Variants in LMAN1L observed in about 807,000 individuals in gnomAD.
The protein encoded by LMAN1L is lectin, mannose binding 1 like.
LMAN1L carries 60 observed loss-of-function variants against 58.3 expected under a neutral mutation model. The observed-to-expected ratio is 1.03, with a 90% CI of 0.84 to 1.27. LMAN1L has a LOEUF of 1.27. LMAN1L is among the 50% of genes most tolerant of loss of function. LMAN1L has a pLI of 0.00. For synonymous variants in LMAN1L, 280 were observed against 271.6 expected, an observed-to-expected ratio of 1.03 and a Z score of -0.31; for missense variants, 629 against 674.0, an observed-to-expected ratio of 0.93 and a Z score of 0.74.
At chr15:74,824,642 C>A in intron 13 of LMAN1L, 164 bp downstream of exon 13, 2 of 758,972 alleles carry the variant, frequency 2.6e-6, no homozygotes, top group Non-Finnish European at 4.2e-6. Context: ...TCTCACCAAG[C>A]ACTACTGACC....
rs2063913561 is a variant in LMAN1L, at chr15:74,820,899, C to T, written c.907+132C>T. 7 of 1,380,326 alleles carry T rather than the reference C, an allele frequency of 5.1e-6. No individual in the cohort carries two copies. In the Admixed American group the frequency reaches 1.6e-4, roughly 31 times the overall value. The allele number at this position is 1,380,326 out of a possible 1,614,324, so 85.5% of individuals were successfully genotyped here. A position where few individuals can be genotyped will look rare whatever the true frequency, so the allele number is the denominator to read the frequency against. On this transcript the variant is annotated intron_variant, in intron 8 of 13. Coordinates refer to ENST00000309664, the MANE Select transcript of LMAN1L (RefSeq NM_021819.3). ...GGCCACATCTAAGCAGGCCCTGGGC[C>T]CAAGTGTTCTGTGCTATCCCCACCT... is the stretch of plus-strand genomic sequence containing the variant.
Position 74,825,528 on chromosome 15 carries a change from C to T in LMAN1L, c.1504C>T (p.Leu502=). Residue 502 remains leucine (L), a synonymous_variant, in exon 14 of 14, where the codon CTG becomes TTG. Coordinates refer to ENST00000309664, the MANE Select transcript of LMAN1L (RefSeq NM_021819.3). ...QECLSTGSLP[L]GPAPHTPRAL... is the part of the protein sequence containing the mutation. ...GTGTCTGTCCACAGGCAGCCTTCCTCTGGGTCCTGCACCACACACCCCCAG... is the reference window on the plus strand; with the variant it reads ...GTGTCTGTCCACAGGCAGCCTTCCTTTGGGTCCTGCACCACACACCCCCAG... The T allele has an allele frequency of 6.2e-7, 1 of 1,613,784 alleles. No homozygotes were observed. Among genetic ancestry groups the T allele is most frequent in the East Asian group, 2.2e-5 (1 of 44,876 alleles).
At chr15:74,813,912 G>A (rs2063877357) in intron 1 of LMAN1L, among the ~76,000 whole-genome samples, 1 of 149,868 alleles carries the variant, frequency 6.7e-6, no homozygotes, top group African/African-American at 2.5e-5. Flanking sequence ...GAATCACGAG[G>A]TCAAGAGGTT....
At chr15:74,818,305 G>A (rs1247545763) in intron 4 of LMAN1L, among the ~76,000 whole-genome samples, 5 of 152,174 alleles carry the variant, frequency 3.3e-5, no homozygotes, top group Non-Finnish European at 7.3e-5. Context: ...CTCGCCCAGC[G>A]GAAAGGGAGG....
intron 1 of LMAN1L, among the ~76,000 whole-genome samples, chr15:74,814,867 A>T (rs2063883808): frequency 6.6e-6 from 1 of 152,178 alleles, no homozygotes; most frequent in Non-Finnish European, 1.5e-5. Flanking sequence ...GTCCTCCTTC[A>T]TAGAGACACA....
chr15:74,814,382 T>TG (rs1420548548), intron 1 of LMAN1L, among the ~76,000 whole-genome samples: 20 of 140,810 alleles, frequency 1.4e-4, no homozygotes, highest in African/African-American at 5.3e-4. Context: ...GTTTTTGTTT[T>TG]TTTTTTTTTG....
Position 74,816,316 on chromosome 15 carries a change from G to C in LMAN1L, c.330+5G>C, listed in dbSNP as rs756448595. The C allele has an allele frequency of 6.2e-6, 10 of 1,611,722 alleles. No homozygotes were observed. Among genetic ancestry groups the C allele is most frequent in the Non-Finnish European group, 8.5e-6 (10 of 1,179,886 alleles). On this transcript the variant is annotated splice_donor_5th_base_variant and intron_variant, in intron 2 of 13. Coordinates refer to ENST00000309664, the MANE Select transcript of LMAN1L (RefSeq NM_021819.3). Reference sequence around the variant, plus strand: ...CGCCGGGGAGCCCAGGGCATGGTGAGTGTCCTCTCCCAGAGCTGACAGAGC... The same window carrying C: ...CGCCGGGGAGCCCAGGGCATGGTGACTGTCCTCTCCCAGAGCTGACAGAGC...
At chr15:74,813,837 G>A (rs1323275115) in intron 1 of LMAN1L, among the ~76,000 whole-genome samples, 1 of 152,148 alleles carries the variant, frequency 6.6e-6, no homozygotes, top group East Asian at 1.9e-4. Context: ...TATAAAATGT[G>A]AGTTCTTGGC....
Position 74,825,730 on chromosome 15 carries a change from CCTCGTT to C in LMAN1L, c.*126_*131del. Reference sequence around the variant, plus strand: ...CACCTGAGCTTTCGGCATGCTCCCACCTCGTTAAAGGTGATTTCCCTCTCCCCATGC... The same window carrying C: ...CACCTGAGCTTTCGGCATGCTCCCACAAAGGTGATTTCCCTCTCCCCATGC... On this transcript the variant is annotated 3_prime_UTR_variant, in exon 14 of 14. Coordinates refer to ENST00000309664, the MANE Select transcript of LMAN1L (RefSeq NM_021819.3). The C allele has an allele frequency of 1.1e-6, 1 of 916,684 alleles. No homozygotes were observed. The highest frequency in any genetic ancestry group is 2.5e-5 in the East Asian group (1 of 39,302). 56.8% of individuals were successfully genotyped at this position (916,684 alleles called of 1,614,324 possible). A position where few individuals can be genotyped will look rare whatever the true frequency, so the allele number is the denominator to read the frequency against.
intron 1 of LMAN1L, among the ~76,000 whole-genome samples, chr15:74,815,789 C>T (rs537231172): frequency 1.1e-4 from 17 of 152,322 alleles, no homozygotes; most frequent in African/African-American, 4.1e-4. Context: ...AAATCTCTCT[C>T]GTGGTGGAAA....
chr15:74,814,906 C>A (rs969321188), intron 1 of LMAN1L, among the ~76,000 whole-genome samples: 17 of 152,236 alleles, frequency 1.1e-4, no homozygotes, highest in African/African-American at 3.9e-4. Context: ...GGCTGTTTCT[C>A]ACAGCACCAA....
intron 6 of LMAN1L, 88 bp downstream of exon 6, chr15:74,819,360 G>A (rs745681827): frequency 2.1e-4 from 314 of 1,493,104 alleles, no homozygotes; most frequent in Non-Finnish European, 2.2e-4. Context: ...CTGGGGTGGC[G>A]TCAGCCACTT....
Position 74,825,462 on chromosome 15 carries a change from C to T in LMAN1L, c.1452-14C>T. On this transcript the variant is annotated splice_polypyrimidine_tract_variant and intron_variant, in intron 13 of 13. Coordinates refer to ENST00000309664, the MANE Select transcript of LMAN1L (RefSeq NM_021819.3). ...AGAGACGCAAGTAACCTGTAACCTT[C>T]TCTCTGGCAGCAGGCAGGAGCTGAA... is the stretch of plus-strand genomic sequence containing the variant. The T allele has an allele frequency of 1.2e-6, 2 of 1,606,504 alleles. No individual in the cohort carries two copies. The highest frequency in any genetic ancestry group is 2.2e-5 in the South Asian group (2 of 90,804).
rs540472717 is a variant in LMAN1L at position 74,816,791 on chromosome 15, C to T, written c.497+101C>T. 4.3e-6 allele frequency: 5 copies of T among 1,152,596 alleles called. No individual in the cohort carries two copies. The South Asian group carries it at 6.0e-5, about 14-fold the overall frequency. The allele number at this position is 1,152,596 out of a possible 1,614,324, so 71.4% of individuals were successfully genotyped here. A position where few individuals can be genotyped will look rare whatever the true frequency, so the allele number is the denominator to read the frequency against. On this transcript the variant is annotated intron_variant, in intron 4 of 13. Coordinates refer to ENST00000309664, the MANE Select transcript of LMAN1L (RefSeq NM_021819.3). ...TGCCCCAGCCTCCTCCAGCAGGGGG[C>T]CCACCCTGCCGGGCCGCCATACTTG...
At chr15:74,825,443 G>T in intron 13 of LMAN1L, 33 bp from the exon 14 acceptor site, 1 of 1,589,632 alleles carries the variant, frequency 6.3e-7, no homozygotes, top group Non-Finnish European at 8.6e-7. Context: ...AAGGAGAGAC[G>T]CAAGTAACCT....
In LMAN1L at chr15:74,822,715, G is replaced by A; in HGVS notation, c.1199+6G>A. 6.2e-7 allele frequency: 1 copy of A among 1,611,990 alleles called. No homozygotes were observed. The highest frequency in any genetic ancestry group is 2.2e-5 in the East Asian group (1 of 44,864). ...CAGGCCCTGCAAGAGATGAGGTAAG[G>A]GACTGGGTGGGGACCCCTCCACCAC... On this transcript the variant is annotated splice_donor_region_variant and intron_variant, in intron 11 of 13. Transcript: ENST00000309664.
intron 12 of LMAN1L, 150 bp downstream of exon 12, chr15:74,823,832 TG>T (rs1291172879): frequency 2.5e-6 from 2 of 805,472 alleles, no homozygotes; most frequent in Non-Finnish European, 1.9e-6. Context: ...CCTGCGTCAG[TG>T]TCTGTGTGTC....
At chr15:74,823,754 A>G in intron 12 of LMAN1L, 72 bp downstream of exon 12, 1 of 1,564,414 alleles carries the variant, frequency 6.4e-7, no homozygotes, top group Non-Finnish European at 8.7e-7. Flanking sequence ...TTCTTCCAGC[A>G]CTTCAGCAGC....
At chr15:74,821,979 A>C in intron 10 of LMAN1L, 79 bp downstream of exon 10, 1 of 998,740 alleles carries the variant, frequency 1.0e-6, no homozygotes, top group Non-Finnish European at 1.6e-6. Flanking sequence ...GGCAGAGAGG[A>C]CTGGGCTGGG....
Sources: gnomAD v4.1 joint callset for allele counts (sites outside exome capture counted in the v4.1 genomes callset) on GRCh38, gnomAD v4.1.1 for gene constraint, MANE v1.5 for transcripts, NCBI Gene and HGNC (gene_info 2026-07-23, HGNC 2026-07-21) for gene names.